The following FXN variants were observed in gnomAD, a reference collection of about 807,000 sequenced individuals.
FXN encodes frataxin, mitochondrial.
FXN carries 14 observed loss-of-function variants against 22.4 expected under a neutral mutation model. That is an observed-to-expected ratio of 0.62 (90% CI 0.41 to 0.98). FXN has a LOEUF of 0.98. FXN is among the 50% of genes least tolerant of loss of function. The pLI, the probability that FXN is intolerant of heterozygous loss-of-function variation, is 0.00. For missense variants in FXN, 267 were observed against 268.4 expected, an observed-to-expected ratio of 0.99 and a Z score of 0.04; for synonymous variants, 120 against 114.1, an observed-to-expected ratio of 1.05 and a Z score of -0.33.
Position 69,076,890 on chromosome 9 carries a change from T to C in FXN, c.*4128T>C. ...AATTTATGCTGTTCAAAACGACGAG[T>C]TCATGACTTTGTGTATAGAGTAAGA... On this transcript the variant is annotated 3_prime_UTR_variant, in exon 5 of 5. Transcript: ENST00000484259. 1 of 985,330 alleles carries C rather than the reference T, an allele frequency of 1.0e-6. No homozygotes were observed. Among genetic ancestry groups the C allele is most frequent in the South Asian group, 4.7e-5 (1 of 21,276 alleles). The allele number at this position is 985,330 out of a possible 1,614,324, so 61.0% of individuals were successfully genotyped here.
At chr9:69,068,503 C>T (rs1301282110) in intron 4 of FXN, among the ~76,000 whole-genome samples, 1 of 152,202 alleles carries the variant, frequency 6.6e-6, no homozygotes, top group Non-Finnish European at 1.5e-5. Flanking sequence ...CTGCAGAGCC[C>T]TCGGGAGCCA....
intron 1 of FXN, among the ~76,000 whole-genome samples, chr9:69,037,351 A>G (rs1336576640): frequency 1.3e-5 from 2 of 151,616 alleles, no homozygotes; most frequent in Non-Finnish European, 2.9e-5. Context: ...CTGTAATCCC[A>G]GCTACTCCAG....
At chr9:69,070,228 CAAAA>C (rs563872382) in intron 4 of FXN, among the ~76,000 whole-genome samples, 2 of 112,268 alleles carry the variant, frequency 1.8e-5, no homozygotes, top group Admixed American at 1.9e-4. Context: ...GACCCCATCT[CAAAA>C]AAAAAAAAAA....
At position 69,074,276 on chromosome 9, in the gene FXN, T is replaced by C; in HGVS notation, c.*1514T>C. On this transcript the variant is annotated 3_prime_UTR_variant, in exon 5 of 5. Transcript: ENST00000484259. ...ATTATACCACATTACCTCATTTTAA[T>C]TTTTACTGACCTGCACTTTATACAA... 1.0e-6 allele frequency: 1 copy of C among 984,748 alleles called. No homozygotes were observed. Among genetic ancestry groups the C allele is most frequent in the Non-Finnish European group, 1.2e-6 (1 of 829,282 alleles). The allele number at this position is 984,748 out of a possible 1,614,324, so 61.0% of individuals were successfully genotyped here. A position where few individuals can be genotyped will look rare whatever the true frequency, so the allele number is the denominator to read the frequency against.
At position 69,078,046 on chromosome 9, in the gene FXN, A is replaced by C. The variant is rs1832403187; in HGVS notation, c.*5284A>C. ...CTTTCCTACCGCACTCTATGATGCTAGCTGAGATTTTTCCAAAAGAAAATG... is the reference window on the plus strand; with the variant it reads ...CTTTCCTACCGCACTCTATGATGCTCGCTGAGATTTTTCCAAAAGAAAATG... On this transcript the variant is annotated 3_prime_UTR_variant, in exon 5 of 5. Coordinates refer to ENST00000484259, the MANE Select transcript of FXN (RefSeq NM_000144.5). The C allele has an allele frequency of 1.0e-6, 1 of 985,326 alleles. No individual in the cohort carries two copies. The highest frequency in any genetic ancestry group is 1.2e-6 in the Non-Finnish European group (1 of 829,926). The allele number at this position is 985,326 out of a possible 1,614,324, so 61.0% of individuals were successfully genotyped here. A position where few individuals can be genotyped will look rare whatever the true frequency, so the allele number is the denominator to read the frequency against.
rs1459254162 is a variant in FXN, at chr9:69,074,835, G to A, written c.*2073G>A. ...AATAAAATTATTTTTTGAGTCTGAT[G>A]GAAATGTTTAAGTGCAGTAGGCCAG... On this transcript the variant is annotated 3_prime_UTR_variant, in exon 5 of 5. Coordinates refer to ENST00000484259, the MANE Select transcript of FXN (RefSeq NM_000144.5). 57 of 978,086 alleles carry A rather than the reference G, an allele frequency of 5.8e-5. 1 individual carries two copies. The South Asian group carries it at 2.5e-3, about 42-fold the overall frequency. 60.6% of individuals were successfully genotyped at this position (978,086 alleles called of 1,614,324 possible).
intron 3 of FXN, among the ~76,000 whole-genome samples, chr9:69,062,791 G>C (rs79052763): frequency 0.011 from 1,667 of 152,080 alleles, 28 homozygotes; most frequent in African/African-American, 0.038. Context: ...AAAAGTTCTA[G>C]AGTTATGCTG....
rs140465678 is a variant in FXN, at chr9:69,041,416, C to G, written c.166-4969C>G. Among the ~76,000 whole-genome samples, 49 of 152,266 alleles carry G rather than the reference C, an allele frequency of 3.2e-4. 1 individual carries two copies. In the East Asian group the frequency reaches 5.6e-3, roughly 17 times the overall value. ...CACTGTAAATCACACTATCCAGGTT[C>G]CTTTAGGTGACATTTGGTTGATTGC... On this transcript the variant is annotated intron_variant, in intron 1 of 4. Transcript: ENST00000484259.
At chr9:69,053,929 G>C (rs896049321) in intron 3 of FXN, among the ~76,000 whole-genome samples, 1 of 152,188 alleles carries the variant, frequency 6.6e-6, no homozygotes, top group Non-Finnish European at 1.5e-5. Flanking sequence ...TTGATTACTT[G>C]GTCTGGGGTG....
chr9:69,060,980 G>A (rs1243533216), intron 3 of FXN, among the ~76,000 whole-genome samples: 1 of 152,182 alleles, frequency 6.6e-6, no homozygotes. Context: ...ACGAGGCAAT[G>A]GGACCCACAG....
intron 1 of FXN, among the ~76,000 whole-genome samples, chr9:69,045,588 A>C (rs1178594683): frequency 6.6e-6 from 1 of 152,106 alleles, no homozygotes; most frequent in Non-Finnish European, 1.5e-5. Context: ...GCGAGACTTC[A>C]TCTCAAAAAC....
chr9:69,062,534 A>T (rs957957649), intron 3 of FXN, among the ~76,000 whole-genome samples: 2 of 152,234 alleles, frequency 1.3e-5, no homozygotes, highest in Non-Finnish European at 2.9e-5. Context: ...CCTTTTAAAA[A>T]ATGCTTTCAA....
At chr9:69,058,369 C>G (rs73647063) in intron 3 of FXN, among the ~76,000 whole-genome samples, 1 of 151,918 alleles carries the variant, frequency 6.6e-6, no homozygotes, top group African/African-American at 2.4e-5. Context: ...AGTCACCCCA[C>G]TACCTGAAGT....
intron 3 of FXN, among the ~76,000 whole-genome samples, chr9:69,057,071 G>A (rs1001992067): frequency 1.1e-4 from 16 of 152,174 alleles, no homozygotes; most frequent in African/African-American, 3.9e-4. Flanking sequence ...TGCATGGCCT[G>A]AAATAATTTT....
At chr9:69,035,971 C>G (rs1465083236) in intron 1 of FXN, 24 bp downstream of exon 1, 8 of 1,420,474 alleles carry the variant, frequency 5.6e-6, no homozygotes, top group Non-Finnish European at 6.4e-6. Context: ...CCGGGAACAG[C>G]CGCGGGCCGC....
At position 69,053,166 on chromosome 9, in the gene FXN, G is replaced by A. The variant is rs1378785673; in HGVS notation, c.290G>A (p.Arg97Lys). 2.5e-6 allele frequency: 4 copies of A among 1,613,934 alleles called. No homozygotes were observed. Among genetic ancestry groups the A allele is most frequent in the Admixed American group, 1.7e-5 (1 of 60,014 alleles). Residue 97 changes from arginine to lysine, a missense_variant, in exon 3 of 5, where the codon AGA (arginine) becomes AAA (lysine). Transcript: ENST00000484259. ...PGSLDETTYE[R>K]LAEETLDSLA... ...TCTCTAGATGAGACCACCTATGAAA[G>A]ACTAGCAGAGGAAACGCTGGACTCT...
Position 69,075,007 on chromosome 9 carries a change from G to A in FXN, c.*2245G>A, listed in dbSNP as rs913995196. The A allele has an allele frequency of 4.1e-6, 4 of 985,362 alleles. No individual in the cohort carries two copies. The highest frequency in any genetic ancestry group is 6.1e-5 in the Admixed American group (1 of 16,272). The allele number at this position is 985,362 out of a possible 1,614,324, so 61.0% of individuals were successfully genotyped here. A position where few individuals can be genotyped will look rare whatever the true frequency, so the allele number is the denominator to read the frequency against. ...GGACACAGCACAAAAGAGGTATGCA[G>A]TGGGGCTGCTCTGACATGAAAGTGG... On this transcript the variant is annotated 3_prime_UTR_variant, in exon 5 of 5. Transcript: ENST00000484259.
chr9:69,059,389 A>ATTTTTTT (rs1329506700), intron 3 of FXN, among the ~76,000 whole-genome samples: 5 of 50,008 alleles, frequency 1.0e-4, no homozygotes, highest in Non-Finnish European at 1.7e-4. Context: ...CAGAGGCAGC[A>ATTTTTTT]TCTTTTTTTT....
intron 4 of FXN, among the ~76,000 whole-genome samples, chr9:69,070,252 C>T (rs755618365): frequency 9.2e-5 from 14 of 151,650 alleles, no homozygotes; most frequent in Admixed American, 2.0e-4. Flanking sequence ...AGAAAGAAAA[C>T]GGCCCAGGAA....
Sources: allele counts gnomAD v4.1 joint callset (sites outside exome capture counted in the v4.1 genomes callset), GRCh38; gene constraint gnomAD v4.1.1; transcripts MANE v1.5; gene names NCBI Gene and HGNC (gene_info 2026-07-23, HGNC 2026-07-21).